MICAL3: variants seen among roughly 807,000 people sequenced by gnomAD.
MICAL3 encodes the protein microtubule associated monooxygenase, calponin and LIM domain containing 3.
MICAL3 carries 62 observed loss-of-function variants against 207.4 expected under a neutral mutation model. The ratio of observed to expected loss-of-function variants is 0.30; its 90% CI spans 0.24 to 0.37. The LOEUF is 0.37. Among genes scored for constraint, MICAL3 ranks in the 10% least tolerant of loss-of-function variants. MICAL3 has a pLI of 1.00. For synonymous variants in MICAL3, 1,077 were observed against 1,069.3 expected, an observed-to-expected ratio of 1.01 and a Z score of -0.14; for missense variants, 2,368 against 2,635.6, an observed-to-expected ratio of 0.90 and a Z score of 2.22.
chr22:17,862,262 C>CT (rs781577539), intron 19 of MICAL3: 32,722 of 774,426 alleles, frequency 0.042, 15 homozygotes, highest in Non-Finnish European at 0.046. Flanking sequence ...CCCTTTTCTT[C>CT]TTTTTTTTTT....
rs59908610 is a variant in MICAL3, at chr22:17,847,206, C to T, written c.2606-5189G>A. ...CTGCTGAAGACACTTCAGGGCTCCGCGCCGCTGAGAAGGGTGTCGCGTAGG... is the reference window on the plus strand; with the variant it reads ...CTGCTGAAGACACTTCAGGGCTCCGTGCCGCTGAGAAGGGTGTCGCGTAGG... On this transcript the variant is annotated intron_variant, in intron 19 of 31. Coordinates refer to ENST00000441493, the MANE Select transcript of MICAL3 (RefSeq NM_015241.3). Among the ~76,000 whole-genome samples the T allele has an allele frequency of 1.4e-4, 22 of 152,174 alleles. 1 individual carries two copies. Among genetic ancestry groups the T allele is most frequent in the East Asian group, 1.3e-3 (7 of 5,198 alleles).
chr22:17,930,945 C>G (rs1933220486), intron 1 of MICAL3, among the ~76,000 whole-genome samples: 1 of 152,252 alleles, frequency 6.6e-6, no homozygotes, highest in Non-Finnish European at 1.5e-5. Flanking sequence ...GCCGGGGACC[C>G]AACTGGACAG....
At chr22:18,017,635 G>C (rs555768094) in intron 1 of MICAL3, among the ~76,000 whole-genome samples, 2 of 151,564 alleles carry the variant, frequency 1.3e-5, no homozygotes, top group South Asian at 4.2e-4. Flanking sequence ...ACCTGGGCTG[G>C]AGTACAGTGG....
At position 17,796,763 on chromosome 22, in the gene MICAL3, A is replaced by G. The variant is rs1224185901; in HGVS notation, c.5651-5462T>C. The stretch of plus-strand genomic sequence containing the variant: ...GTCTGTTTTGTCTGTGCCTGGGGAG[A>G]CAGTGAAGGCAGGACCTGAATCCAG... On this transcript the variant is annotated intron_variant, in intron 29 of 31. Coordinates refer to ENST00000441493, the MANE Select transcript of MICAL3 (RefSeq NM_015241.3). The surrounding 1 kb of genome is among the most constrained non-coding windows in gnomAD (Gnocchi z 4.4). Among the ~76,000 whole-genome samples the G allele has an allele frequency of 6.6e-6, 1 of 152,082 alleles. No homozygotes were observed. Among genetic ancestry groups the G allele is most frequent in the Non-Finnish European group, 1.5e-5 (1 of 68,018 alleles).
intron 1 of MICAL3, among the ~76,000 whole-genome samples, chr22:17,953,822 T>C (rs1934464949): frequency 6.6e-6 from 1 of 150,442 alleles, no homozygotes; most frequent in African/African-American, 2.4e-5. Context: ...TCCTAGCTAT[T>C]TGAGAGGCTG....
rs1178335257 is a variant in MICAL3 at position 17,818,887 on chromosome 22, G to T, written c.3774C>A (p.Leu1258=). The stretch of plus-strand genomic sequence containing the variant: ...AAGGCTGGGGCTGGGAGCAGATGGG[G>T]AGTGGGCTGGGTGGGGGCGTGGAGG... ...VAASTPPPSP[L]PICSQPQPST... is the part of the protein sequence containing the mutation. Residue 1258 remains leucine, a synonymous_variant, in exon 26 of 32, where the codon CTC becomes CTA. Coordinates refer to ENST00000441493, the MANE Select transcript of MICAL3 (RefSeq NM_015241.3). The T allele has an allele frequency of 1.3e-6, 2 of 1,553,564 alleles. No homozygotes were observed. The highest frequency in any genetic ancestry group is 1.4e-5 in the African/African-American group (1 of 73,428).
chr22:17,936,956 G>T (rs1470159000), intron 1 of MICAL3, among the ~76,000 whole-genome samples: 1 of 152,140 alleles, frequency 6.6e-6, no homozygotes, highest in Non-Finnish European at 1.5e-5. Context: ...AGAGCACAGT[G>T]ATGACTACGC....
At chr22:17,908,784 G>C (rs1377440526) in intron 1 of MICAL3, among the ~76,000 whole-genome samples, 1 of 152,196 alleles carries the variant, frequency 6.6e-6, no homozygotes. Flanking sequence ...GGTGCAGACA[G>C]AGGAAGGGAG....
At chr22:17,865,818 A>G in intron 18 of MICAL3, 106 bp downstream of exon 18, 1 of 863,740 alleles carries the variant, frequency 1.2e-6, no homozygotes, top group Non-Finnish European at 1.9e-6. Context: ...CGTTCCCAGG[A>G]GAGGCAAGGA....
chr22:17,976,807 CTTCT>C (rs1463169907), intron 1 of MICAL3, among the ~76,000 whole-genome samples: 2 of 133,726 alleles, frequency 1.5e-5, no homozygotes, highest in Non-Finnish European at 1.6e-5. Flanking sequence ...CTAGAGACTT[CTTCT>C]TTTTTTTTTT....
chr22:17,907,566 T>C (rs1022715476), intron 1 of MICAL3, among the ~76,000 whole-genome samples: 13 of 152,106 alleles, frequency 8.5e-5, no homozygotes, highest in African/African-American at 3.1e-4. Context: ...AGATCCAGAT[T>C]TGGGAGTCGC....
intron 8 of MICAL3, 114 bp downstream of exon 8, chr22:17,896,610 A>T: frequency 9.1e-7 from 1 of 1,100,742 alleles, no homozygotes; most frequent in Non-Finnish European, 1.3e-6. Context: ...TCCTGCAGGG[A>T]GTTTACCTGT....
intron 27 of MICAL3, among the ~76,000 whole-genome samples, chr22:17,812,225 C>G (rs901147416): frequency 2.0e-5 from 3 of 152,254 alleles, no homozygotes; most frequent in African/African-American, 7.2e-5. Flanking sequence ...TGCTGAACTG[C>G]CCCTCTCTGG....
intron 11 of MICAL3, among the ~76,000 whole-genome samples, 176 bp from the exon 12 acceptor site, chr22:17,891,808 C>T (rs924368288): frequency 1.3e-5 from 2 of 152,208 alleles, no homozygotes; most frequent in African/African-American, 4.8e-5. Flanking sequence ...CAAATGGTAT[C>T]ATGACAGCGA....
intron 1 of MICAL3, among the ~76,000 whole-genome samples, chr22:17,950,617 G>A (rs1215812616): frequency 1.4e-4 from 21 of 152,114 alleles, no homozygotes; most frequent in African/African-American, 5.1e-4. Flanking sequence ...GATTACAGGC[G>A]TGAGCCACTG....
chr22:17,960,365 G>A (rs1934849410), intron 1 of MICAL3, among the ~76,000 whole-genome samples: 2 of 152,232 alleles, frequency 1.3e-5, no homozygotes, highest in African/African-American at 4.8e-5. Context: ...AATGGATGCA[G>A]AATAAATGAA....
chr22:17,999,189 A>T (rs1260693674), intron 1 of MICAL3, among the ~76,000 whole-genome samples: 1 of 152,192 alleles, frequency 6.6e-6, no homozygotes, highest in African/African-American at 2.4e-5. Context: ...GGACTACTCG[A>T]CAGATGCAGG....
intron 1 of MICAL3, among the ~76,000 whole-genome samples, chr22:17,992,369 CA>C (rs1280325638): frequency 6.6e-6 from 1 of 152,164 alleles, no homozygotes; most frequent in African/African-American, 2.4e-5. Context: ...GAAATAAAAC[CA>C]AATCAAGAAT....
intron 1 of MICAL3, among the ~76,000 whole-genome samples, chr22:17,977,433 C>T (rs1211838410): frequency 6.6e-6 from 1 of 151,872 alleles, no homozygotes; most frequent in African/African-American, 2.4e-5. Context: ...AAGAAAGACG[C>T]CAATAAGCAC....
Sources: gnomAD v4.1 joint callset for allele counts (sites outside exome capture counted in the v4.1 genomes callset) on GRCh38, gnomAD v4.1.1 for gene constraint, Gnocchi (gnomAD v3.1) non-coding constraint, MANE v1.5 for transcripts, NCBI Gene and HGNC (gene_info 2026-07-23, HGNC 2026-07-21) for gene names.